KHDRBS2: variants seen among roughly 807,000 people sequenced by gnomAD.
The protein encoded by KHDRBS2 is KH domain-containing, RNA-binding, signal transduction-associated protein 2.
KHDRBS2 carries 26 observed loss-of-function variants against 44.3 expected under a neutral mutation model. That is an observed-to-expected ratio of 0.59 (90% CI 0.43 to 0.81). KHDRBS2 has a LOEUF of 0.81. KHDRBS2 is among the 40% of genes least tolerant of loss of function. The probability of loss-of-function intolerance (pLI) is 0.00; values close to 1 mark genes in which losing one functional copy is unlikely to be tolerated. For synonymous variants in KHDRBS2, 194 were observed against 151.1 expected (o/e 1.28, Z -2.08); for missense variants, 476 against 433.1 (o/e 1.10, Z -0.88).
Position 61,756,502 on chromosome 6 carries a change from C to T in KHDRBS2, c.811-23738G>A, listed in dbSNP as rs185178702. On this transcript the variant is annotated intron_variant, in intron 6 of 8. Coordinates refer to ENST00000281156, the MANE Select transcript of KHDRBS2 (RefSeq NM_152688.4). ...CTCGAACTCTTGACCTCAAGTGATCCGCCAGCCTTGGCCTCCCAAAGTGCT... is the reference window on the plus strand; with the variant it reads ...CTCGAACTCTTGACCTCAAGTGATCTGCCAGCCTTGGCCTCCCAAAGTGCT... Among the ~76,000 whole-genome samples the T allele has an allele frequency of 6.8e-4, 103 of 152,190 alleles. No homozygotes were observed. In the East Asian group the frequency reaches 7.4e-3, roughly 11 times the overall value.
At chr6:61,701,964 A>G (rs911518589) in intron 7 of KHDRBS2, among the ~76,000 whole-genome samples, 2 of 151,978 alleles carry the variant, frequency 1.3e-5, no homozygotes, top group African/African-American at 4.8e-5. Flanking sequence ...GGAGATGTGC[A>G]TATTTTCTAG....
At chr6:62,205,485 C>T (rs1435628007) in intron 1 of KHDRBS2, among the ~76,000 whole-genome samples, 2 of 152,020 alleles carry the variant, frequency 1.3e-5, no homozygotes, top group African/African-American at 4.8e-5. Flanking sequence ...TGTGTTTGTG[C>T]CCCAAATAAC....
At chr6:61,641,215 C>T in the KHDRBS2 span, among the ~76,000 whole-genome samples, 1 of 152,248 alleles carries the variant, frequency 6.6e-6, no homozygotes, top group East Asian at 1.9e-4. Context: ...CTGCAACACA[C>T]ACTATGGGGT....
intron 6 of KHDRBS2, among the ~76,000 whole-genome samples, chr6:61,780,363 G>A (rs1210595081): frequency 6.6e-6 from 1 of 152,062 alleles, no homozygotes; most frequent in Non-Finnish European, 1.5e-5. Context: ...AGCCAGGTGT[G>A]GTGGCGTGTG....
chr6:61,626,185 C>A, the KHDRBS2 span, among the ~76,000 whole-genome samples: 1 of 152,138 alleles, frequency 6.6e-6, no homozygotes, highest in Non-Finnish European at 1.5e-5. Flanking sequence ...AAAGGTTGAA[C>A]AATAAATAGC....
chr6:61,790,120 C>T (rs1157579864), intron 6 of KHDRBS2, among the ~76,000 whole-genome samples: 2 of 151,102 alleles, frequency 1.3e-5, no homozygotes, highest in East Asian at 1.9e-4. Context: ...TTGTACTGAC[C>T]AAAATGAAAA....
intron 1 of KHDRBS2, among the ~76,000 whole-genome samples, chr6:62,231,387 CTT>C (rs1832876114): frequency 6.6e-6 from 1 of 152,142 alleles, no homozygotes. Flanking sequence ...ATGCCAGACA[CTT>C]ATAAAATCAT....
At chr6:61,550,931 C>T in the KHDRBS2 span, among the ~76,000 whole-genome samples, 1 of 151,902 alleles carries the variant, frequency 6.6e-6, no homozygotes, top group African/African-American at 2.4e-5. Flanking sequence ...TGCCACCACG[C>T]CTGGCCAATT....
At chr6:62,075,394 G>A (rs1796132104) in intron 2 of KHDRBS2, among the ~76,000 whole-genome samples, 1 of 151,896 alleles carries the variant, frequency 6.6e-6, no homozygotes, top group Non-Finnish European at 1.5e-5. Context: ...ACAGAACTGT[G>A]AGCAATAAAT....
chr6:61,622,444 T>C, the KHDRBS2 span, among the ~76,000 whole-genome samples: 10 of 152,276 alleles, frequency 6.6e-5, no homozygotes, highest in African/African-American at 1.9e-4. Context: ...TTCATTAACA[T>C]GTACCAGATA....
At chr6:61,796,879 G>A (rs1222597365) in intron 6 of KHDRBS2, among the ~76,000 whole-genome samples, 1 of 152,092 alleles carries the variant, frequency 6.6e-6, no homozygotes, top group Non-Finnish European at 1.5e-5. Context: ...AGACTGCCCA[G>A]TAACTAATGA....
At chr6:62,115,432 T>G (rs1292264985) in intron 2 of KHDRBS2, among the ~76,000 whole-genome samples, 1 of 152,200 alleles carries the variant, frequency 6.6e-6, no homozygotes, top group Non-Finnish European at 1.5e-5. Context: ...GAGATAAAGT[T>G]AATTTTTCCA....
intron 1 of KHDRBS2, among the ~76,000 whole-genome samples, chr6:62,272,608 G>A (rs1034502171): frequency 5.4e-4 from 82 of 152,114 alleles, no homozygotes; most frequent in Non-Finnish European, 7.4e-4. Context: ...TTGAGTATTG[G>A]AGGAAAAATA....
At chr6:62,003,217 T>C (rs1320251432) in intron 3 of KHDRBS2, among the ~76,000 whole-genome samples, 1 of 152,038 alleles carries the variant, frequency 6.6e-6, no homozygotes, top group African/African-American at 2.4e-5. Flanking sequence ...AGGTCAAGGC[T>C]GCAGTGAGCT....
intron 3 of KHDRBS2, among the ~76,000 whole-genome samples, chr6:61,983,385 A>G (rs1280587793): frequency 3.3e-5 from 5 of 150,598 alleles, no homozygotes; most frequent in African/African-American, 4.9e-5. Flanking sequence ...CATAACTAAG[A>G]CTGACTTTAT....
intron 1 of KHDRBS2, among the ~76,000 whole-genome samples, chr6:62,216,271 G>A (rs1425526329): frequency 6.6e-6 from 1 of 151,756 alleles, no homozygotes; most frequent in Non-Finnish European, 1.5e-5. Context: ...GATACTCAAT[G>A]ACAATTTAGA....
intron 3 of KHDRBS2, among the ~76,000 whole-genome samples, chr6:61,989,502 G>A (rs1280445371): frequency 1.3e-5 from 2 of 152,068 alleles, no homozygotes; most frequent in African/African-American, 4.8e-5. Context: ...CTCTTACTTG[G>A]GCCTACTTAT....
the KHDRBS2 span, among the ~76,000 whole-genome samples, chr6:61,665,809 G>A: frequency 2.0e-5 from 3 of 150,700 alleles, no homozygotes; most frequent in Admixed American, 6.6e-5. Flanking sequence ...ATTTAATTTT[G>A]AAATTTAATT....
In KHDRBS2 at chr6:61,680,857, G is replaced by GAAAC. The variant is rs569191746; in HGVS notation, c.*102_*105dup. On this transcript the variant is annotated 3_prime_UTR_variant, in exon 9 of 9. Transcript: ENST00000281156. ...ATCATGAGCAGTTATCCCTAGAATA[G>GAAAC]AAACAAACAAACAAAAAAAGGACTA... 1.9e-5 allele frequency: 13 copies of GAAAC among 672,358 alleles called. No individual in the cohort carries two copies. Among genetic ancestry groups the GAAAC allele is most frequent in the Admixed American group, 5.5e-5 (2 of 36,450 alleles). 41.6% of individuals were successfully genotyped at this position (672,358 alleles called of 1,614,324 possible).
Sources: allele counts gnomAD v4.1 joint callset (sites outside exome capture counted in the v4.1 genomes callset), GRCh38; gene constraint gnomAD v4.1.1; transcripts MANE v1.5; gene names NCBI Gene and HGNC (gene_info 2026-07-23, HGNC 2026-07-21).